The following SMARCA2 variants were observed in gnomAD, a reference collection of about 807,000 sequenced individuals.
SMARCA2 encodes the protein SWI/SNF related BAF chromatin remodeling complex subunit ATPase 2.
SMARCA2 carries 61 observed loss-of-function variants against 199.8 expected under a neutral mutation model. The ratio of observed to expected loss-of-function variants is 0.31; its 90% CI spans 0.25 to 0.38. The LOEUF is 0.38. Among genes scored for constraint, SMARCA2 ranks in the 10% least tolerant of loss-of-function variants. The pLI is 1.00. For missense variants in SMARCA2, 1,344 were observed against 2,012.2 expected (o/e 0.67, Z 6.35); for synonymous variants, 935 against 732.0 (o/e 1.28, Z -4.48).
chr9:2,189,123 C>A (rs1185792506), intron 32 of SMARCA2, among the ~76,000 whole-genome samples: 1 of 152,162 alleles, frequency 6.6e-6, no homozygotes, highest in African/African-American at 2.4e-5. Context: ...GTCTAAAATT[C>A]CTTTTGCCAT....
chr9:2,041,227 T>C, intron 4 of SMARCA2: 1 of 397,806 alleles, frequency 2.5e-6, no homozygotes, highest in Non-Finnish European at 4.4e-6. Flanking sequence ...CCTCATCTTA[T>C]TAATTGTTAT....
chr9:2,047,338 C>T lies in SMARCA2; in HGVS notation c.900C>T (p.Ala300=). 1.5e-5 allele frequency: 19 copies of T among 1,240,524 alleles called. No individual in the cohort carries two copies. The highest frequency in any genetic ancestry group is 1.9e-5 in the Non-Finnish European group (19 of 976,990). 76.8% of individuals were successfully genotyped at this position (1,240,524 alleles called of 1,614,324 possible). ...APPAAAQPPA[A]AVPGPSVPQP... is the part of the protein sequence containing the mutation. ...CCGCAGCCGCGCAGCCGCCCGCGGC[C>T]GCAGTGCCCGGGCCCTCAGTGCCGC... The change falls in exon 5 of 34, where the codon GCC becomes GCT. Residue 300 remains alanine (A), a synonymous_variant. Coordinates refer to ENST00000349721, the MANE Select transcript of SMARCA2 (RefSeq NM_003070.5).
At position 2,086,588 on chromosome 9, in the gene SMARCA2, G is replaced by C. The variant is rs1030164880; in HGVS notation, c.2527-241G>C. Among the ~76,000 whole-genome samples, 4 of 152,172 alleles carry C rather than the reference G, an allele frequency of 2.6e-5. No individual in the cohort carries two copies. Among genetic ancestry groups the C allele is most frequent in the African/African-American group, 9.7e-5 (4 of 41,430 alleles). On this transcript the variant is annotated intron_variant, in intron 17 of 33. Coordinates refer to ENST00000349721, the MANE Select transcript of SMARCA2 (RefSeq NM_003070.5). This position sits in a 1 kb window ranked among gnomAD's most constrained non-coding sequence, Gnocchi z 4.3. ...ACCCAAATTTCCTTCTTTGTAAAAA[G>C]TTGATTTGGAATTACGTGGTCTGTA...
rs939495205 is a variant in SMARCA2, at chr9:2,188,485, G to C, written c.4594+2257G>C. On this transcript the variant is annotated intron_variant, in intron 32 of 33. Transcript: ENST00000349721. ...ATTTAAACTGTCCCAAATTCATGTA[G>C]TTATTCCTTTGTTCTAGCATTTGAA... 2.6e-5 allele frequency among the ~76,000 whole-genome samples: 4 copies of C among 152,150 alleles called. No homozygotes were observed. The South Asian group carries it at 6.2e-4, about 24-fold the overall frequency.
chr9:2,021,583 CT>C (rs1818601918), intron 1 of SMARCA2, among the ~76,000 whole-genome samples: 1 of 152,194 alleles, frequency 6.6e-6, no homozygotes, highest in African/African-American at 2.4e-5. Flanking sequence ...ATCTTCCCCC[CT>C]GTGCTTTGTT....
At position 2,123,021 on chromosome 9, in the gene SMARCA2, T is replaced by G. The variant is rs1433188509; in HGVS notation, c.3763-698T>G. 6.6e-6 allele frequency among the ~76,000 whole-genome samples: 1 copy of G among 152,186 alleles called. No individual in the cohort carries two copies. Among genetic ancestry groups the G allele is most frequent in the Non-Finnish European group, 1.5e-5 (1 of 68,030 alleles). On this transcript the variant is annotated intron_variant, in intron 26 of 33. Transcript: ENST00000349721. This position sits in a 1 kb window ranked among gnomAD's most constrained non-coding sequence, Gnocchi z 4.1. ...TCCATTTCACTTACAACTAGATCAG[T>G]TGGGATGCGATTACCTCTGAGCTCT... is the stretch of plus-strand genomic sequence containing the variant.
intron 27 of SMARCA2, among the ~76,000 whole-genome samples, chr9:2,144,098 G>T (rs1334561801): frequency 1.3e-5 from 2 of 152,018 alleles, no homozygotes; most frequent in African/African-American, 4.8e-5. Context: ...TTTCTTTTGA[G>T]GGGGCAGTCA....
At chr9:2,097,919 A>C (rs569017175) in intron 21 of SMARCA2, among the ~76,000 whole-genome samples, 5 of 152,372 alleles carry the variant, frequency 3.3e-5, no homozygotes, top group African/African-American at 1.2e-4. Flanking sequence ...TGTAAAAGAC[A>C]CTGGCTTTAG....
intron 9 of SMARCA2, among the ~76,000 whole-genome samples, chr9:2,063,524 A>C (rs1379783218): frequency 6.6e-6 from 1 of 152,172 alleles, no homozygotes; most frequent in African/African-American, 2.4e-5. Context: ...TATTTTTTAA[A>C]TTAACAAATA....
At chr9:2,162,211 T>G (rs947886921) in intron 28 of SMARCA2, among the ~76,000 whole-genome samples, 2 of 151,982 alleles carry the variant, frequency 1.3e-5, no homozygotes, top group African/African-American at 4.8e-5. Flanking sequence ...ATATTTCAGA[T>G]GAAAGGGATT....
At chr9:2,068,754 A>G (rs978840308) in intron 9 of SMARCA2, among the ~76,000 whole-genome samples, 1 of 152,064 alleles carries the variant, frequency 6.6e-6, no homozygotes, top group African/African-American at 2.4e-5. Context: ...TACTATGCAG[A>G]AATAGTATAG....
rs1819424683 is a variant in SMARCA2, at chr9:2,038,361, C to CT, written c.356-1103dup. On this transcript the variant is annotated intron_variant, in intron 3 of 33. Coordinates refer to ENST00000349721, the MANE Select transcript of SMARCA2 (RefSeq NM_003070.5). ...TTCTACCCATATCTTCTTGATTCCC[C>CT]TTACCATTTCTATACCCCCACCAGC... Among the ~76,000 whole-genome samples the CT allele has an allele frequency of 5.9e-5, 9 of 152,214 alleles. No individual in the cohort carries two copies. In the South Asian group the frequency reaches 1.9e-3, roughly 32 times the overall value.
rs369717922 is a variant in SMARCA2 at position 2,054,618 on chromosome 9, T to C, written c.1068T>C (p.His356=). 7 of 1,614,004 alleles carry C rather than the reference T, an allele frequency of 4.3e-6. No individual in the cohort carries two copies. The African/African-American group carries it at 8.0e-5, about 18-fold the overall frequency. ...REYRLQARIA[H]RIQELENLPG... The stretch of plus-strand genomic sequence containing the variant: ...TTAGACTTCAGGCCCGCATAGCTCA[T>C]AGGATACAAGAACTGGAAAATCTGC... Residue 356 remains histidine (H), a synonymous_variant, in exon 6 of 34, where the codon CAT becomes CAC. Coordinates refer to ENST00000349721, the MANE Select transcript of SMARCA2 (RefSeq NM_003070.5).
chr9:2,016,005 G>C lies in SMARCA2; in HGVS notation c.-37+601G>C, dbSNP rs946063423. ...AGGGCGGGGAGCCCAGGCTGGCGGC[G>C]GGGCGCCAACGGACGCTGTTGCCAC... On this transcript the variant is annotated intron_variant, in intron 1 of 33. Transcript: ENST00000349721. The surrounding 1 kb of genome is among the most constrained non-coding windows in gnomAD (Gnocchi z 5.6). 6 of 152,562 alleles carry C rather than the reference G, an allele frequency of 3.9e-5. No homozygotes were observed. Among genetic ancestry groups the C allele is most frequent in the Admixed American group, 3.3e-4 (5 of 15,292 alleles). The allele number at this position is 152,562 out of a possible 1,614,324, so 9.5% of individuals were successfully genotyped here. A position where few individuals can be genotyped will look rare whatever the true frequency, so the allele number is the denominator to read the frequency against.
chr9:2,109,634 G>T (rs962660816), intron 23 of SMARCA2, among the ~76,000 whole-genome samples: 1 of 71,510 alleles, frequency 1.4e-5, no homozygotes, highest in African/African-American at 2.7e-4. Flanking sequence ...ATTTCTTGTG[G>T]GGGGGGTGGG....
chr9:2,184,213 C>T (rs1827262442), intron 31 of SMARCA2, among the ~76,000 whole-genome samples: 1 of 152,178 alleles, frequency 6.6e-6, no homozygotes, highest in Non-Finnish European at 1.5e-5. Context: ...ATACTATGAT[C>T]ACCTGCTTCC....
chr9:2,123,996 A>G lies in SMARCA2; in HGVS notation c.3981+59A>G, dbSNP rs1421664054. On this transcript the variant is annotated intron_variant, in intron 27 of 33. Coordinates refer to ENST00000349721, the MANE Select transcript of SMARCA2 (RefSeq NM_003070.5). The surrounding 1 kb of genome is among the most constrained non-coding windows in gnomAD (Gnocchi z 4.1). ...GTGGAGGGTTTTTGGTGGCTTGGAG[A>G]AACCAGGGGCCTAGAGCTGGGATTT... 9.5e-6 allele frequency: 13 copies of G among 1,365,050 alleles called. No homozygotes were observed. The highest frequency in any genetic ancestry group is 1.2e-5 in the Non-Finnish European group (12 of 979,068). 84.6% of individuals were successfully genotyped at this position (1,365,050 alleles called of 1,614,324 possible).
chr9:2,121,422 G>C (rs1250398067), intron 26 of SMARCA2, among the ~76,000 whole-genome samples: 5 of 152,114 alleles, frequency 3.3e-5, no homozygotes, highest in Non-Finnish European at 1.5e-5. Context: ...TTTTAGGTTT[G>C]GTTTAGTTTC....
At position 2,072,578 on chromosome 9, in the gene SMARCA2, G is replaced by A. The variant is rs1435171545; in HGVS notation, c.1747-634G>A. Reference sequence around the variant, plus strand: ...ACCAGCCACTCATGAGATGACATAAGTTATAATACCTTTTCTGTTTTTCAT... The same window carrying A: ...ACCAGCCACTCATGAGATGACATAAATTATAATACCTTTTCTGTTTTTCAT... On this transcript the variant is annotated intron_variant, in intron 10 of 33. Transcript: ENST00000349721. Among the ~76,000 whole-genome samples, 5 of 152,212 alleles carry A rather than the reference G, an allele frequency of 3.3e-5. No individual in the cohort carries two copies. In the East Asian group the frequency reaches 5.8e-4, roughly 18 times the overall value.
Sources: allele counts gnomAD v4.1 joint callset (sites outside exome capture counted in the v4.1 genomes callset), GRCh38; gene constraint gnomAD v4.1.1; non-coding constraint Gnocchi (gnomAD v3.1); transcripts MANE v1.5; gene names NCBI Gene and HGNC (gene_info 2026-07-23, HGNC 2026-07-21).